NRG3: variants seen among roughly 807,000 people sequenced by gnomAD.
NRG3 encodes the protein pro-neuregulin-3, membrane-bound isoform.
Under a neutral mutation model 66.9 loss-of-function variants are expected in NRG3, and 31 were observed. The observed-to-expected ratio is 0.46, with a 90% CI of 0.35 to 0.63. NRG3 has a LOEUF of 0.63. Among genes scored for constraint, NRG3 ranks in the 20% least tolerant of loss-of-function variants. The probability of loss-of-function intolerance (pLI) is 0.00; values close to 1 mark genes in which losing one functional copy is unlikely to be tolerated. For missense variants in NRG3, 910 were observed against 878.9 expected (o/e 1.04, Z -0.45); for synonymous variants, 393 against 359.4 (o/e 1.09, Z -1.06).
chr10:82,339,153 TA>T (rs2082546218), intron 1 of NRG3, among the ~76,000 whole-genome samples: 1 of 152,206 alleles, frequency 6.6e-6, no homozygotes, highest in South Asian at 2.1e-4. Flanking sequence ...TTCAAAATGA[TA>T]AATGACTTAA....
At chr10:82,119,150 G>T (rs992584363) in intron 1 of NRG3, among the ~76,000 whole-genome samples, 2 of 152,022 alleles carry the variant, frequency 1.3e-5, no homozygotes, top group Non-Finnish European at 2.9e-5. Context: ...ATTTTTTGTG[G>T]TGAGAACATT....
At chr10:82,477,332 A>G (rs939615881) in intron 2 of NRG3, among the ~76,000 whole-genome samples, 1 of 152,206 alleles carries the variant, frequency 6.6e-6, no homozygotes, top group Admixed American at 6.5e-5. Flanking sequence ...CAACGCAGTG[A>G]GATGAGAAAT....
chr10:82,924,076 G>A (rs556886575), intron 4 of NRG3, among the ~76,000 whole-genome samples: 23 of 132,392 alleles, frequency 1.7e-4, no homozygotes, highest in African/African-American at 4.7e-4. Context: ...GCAACATAGC[G>A]AGACTGTCTC....
chr10:82,417,257 C>G (rs2088647170), intron 2 of NRG3, among the ~76,000 whole-genome samples: 1 of 152,076 alleles, frequency 6.6e-6, no homozygotes, highest in Non-Finnish European at 1.5e-5. Context: ...CAGAGGTGAA[C>G]ATGGTTCAAT....
intron 2 of NRG3, among the ~76,000 whole-genome samples, chr10:82,433,514 G>A (rs889474888): frequency 2.6e-5 from 4 of 151,474 alleles, no homozygotes; most frequent in African/African-American, 9.7e-5. Flanking sequence ...ATTGCTTTTG[G>A]CATTTTTGTC....
intron 1 of NRG3, among the ~76,000 whole-genome samples, chr10:82,081,969 G>A (rs899057901): frequency 2.6e-5 from 4 of 152,144 alleles, no homozygotes; most frequent in Admixed American, 2.0e-4. Context: ...TAGCCTGGGC[G>A]ACATAGCTTG....
At chr10:82,606,207 T>C (rs1240625032) in intron 2 of NRG3, among the ~76,000 whole-genome samples, 4 of 152,178 alleles carry the variant, frequency 2.6e-5, no homozygotes, top group Non-Finnish European at 4.4e-5. Context: ...CTGAATCTTA[T>C]AAATTTTGAT....
intron 1 of NRG3, among the ~76,000 whole-genome samples, chr10:82,039,846 G>A (rs1589868969): frequency 6.6e-6 from 1 of 152,156 alleles, no homozygotes; most frequent in African/African-American, 2.4e-5. Context: ...CACTGCCCAG[G>A]TCACCTCTTC....
chr10:82,034,333 ATATATGTTGG>A (rs1391189044), intron 1 of NRG3, among the ~76,000 whole-genome samples: 5 of 152,008 alleles, frequency 3.3e-5, no homozygotes, highest in Non-Finnish European at 7.4e-5. Flanking sequence ...TCTTGTTTGA[ATATATGTTGG>A]CACCTGTATG....
chr10:81,977,269 C>G (rs1199842123), intron 1 of NRG3, among the ~76,000 whole-genome samples: 1 of 152,082 alleles, frequency 6.6e-6, no homozygotes, highest in Non-Finnish European at 1.5e-5. Context: ...TATTTAATGT[C>G]TGTCTACTGC....
intron 2 of NRG3, among the ~76,000 whole-genome samples, chr10:82,555,128 G>T (rs1234279904): frequency 1.3e-5 from 2 of 152,122 alleles, no homozygotes; most frequent in African/African-American, 4.8e-5. Flanking sequence ...TCTCTAATCT[G>T]TTGCTACCAC....
intron 2 of NRG3, among the ~76,000 whole-genome samples, chr10:82,730,064 C>G (rs2057813618): frequency 6.6e-6 from 1 of 150,576 alleles, no homozygotes; most frequent in Non-Finnish European, 1.5e-5. Context: ...AAAATCCCTA[C>G]ATTTTCTTTT....
intron 1 of NRG3, among the ~76,000 whole-genome samples, chr10:82,291,803 A>T (rs2079764571): frequency 6.6e-6 from 1 of 152,126 alleles, no homozygotes; most frequent in Admixed American, 6.5e-5. Context: ...CTCCACATAA[A>T]CCTCACACCT....
intron 2 of NRG3, among the ~76,000 whole-genome samples, chr10:82,630,486 T>C (rs1428328381): frequency 6.6e-6 from 1 of 152,010 alleles, no homozygotes; most frequent in African/African-American, 2.4e-5. Flanking sequence ...TATCTTTAGA[T>C]AATTCCTTTC....
chr10:82,592,392 G>A (rs2047032384), intron 2 of NRG3, among the ~76,000 whole-genome samples: 1 of 152,202 alleles, frequency 6.6e-6, no homozygotes, highest in Non-Finnish European at 1.5e-5. Flanking sequence ...AAATGGTACA[G>A]AGGATGTCCT....
intron 1 of NRG3, among the ~76,000 whole-genome samples, chr10:81,904,449 T>C (rs1416541229): frequency 6.6e-6 from 1 of 152,078 alleles, no homozygotes; most frequent in Admixed American, 6.6e-5. Flanking sequence ...AAGGGTTGCT[T>C]AGTCTCTGCT....
intron 1 of NRG3, among the ~76,000 whole-genome samples, chr10:82,092,779 C>T (rs2066104901): frequency 6.6e-6 from 1 of 152,168 alleles, no homozygotes; most frequent in South Asian, 2.1e-4. Context: ...CATTTTCTTG[C>T]AGCCCAGTGT....
chr10:82,663,265 G>A (rs1194116872), intron 2 of NRG3, among the ~76,000 whole-genome samples: 3 of 152,186 alleles, frequency 2.0e-5, no homozygotes, highest in Middle Eastern at 3.2e-3. Context: ...AGGAGTCACA[G>A]CTTGAGTCTA....
chr10:82,576,569 A>G (rs1282538481), intron 2 of NRG3, among the ~76,000 whole-genome samples: 1 of 151,750 alleles, frequency 6.6e-6, no homozygotes, highest in African/African-American at 2.4e-5. Flanking sequence ...AGTTGGGGAA[A>G]TATAGAAAAA....
Sources: allele counts gnomAD v4.1 joint callset (sites outside exome capture counted in the v4.1 genomes callset), GRCh38; gene constraint gnomAD v4.1.1; transcripts MANE v1.5; gene names NCBI Gene and HGNC (gene_info 2026-07-23, HGNC 2026-07-21).